The following ZFPM2 variants were observed in gnomAD, a reference collection of about 807,000 sequenced individuals.
The protein encoded by ZFPM2 is zinc finger protein ZFPM2.
In ZFPM2, 20 loss-of-function variants were observed where a neutral mutation model predicts 98.6. The observed-to-expected ratio is 0.20, with a 90% CI of 0.14 to 0.29. The LOEUF (loss-of-function observed/expected upper bound fraction) is 0.29. ZFPM2 is among the 10% of genes least tolerant of loss of function. ZFPM2 has a pLI of 1.00. For missense variants in ZFPM2, 1,310 were observed against 1,388.6 expected (o/e 0.94, Z 0.90); for synonymous variants, 518 against 502.7 (o/e 1.03, Z -0.41).
At chr8:105,501,950 AGAT>A (rs1435729737) in intron 3 of ZFPM2, among the ~76,000 whole-genome samples, 3 of 152,180 alleles carry the variant, frequency 2.0e-5, no homozygotes, top group Non-Finnish European at 4.4e-5. Context: ...TATATTCTTT[AGAT>A]GATTTCTGAT....
At chr8:105,339,975 T>A (rs1050606123) in intron 1 of ZFPM2, among the ~76,000 whole-genome samples, 3 of 151,910 alleles carry the variant, frequency 2.0e-5, no homozygotes, top group Non-Finnish European at 2.9e-5. Context: ...AGGTCTGTTG[T>A]TACAGGATTT....
At chr8:105,723,691 C>T (rs1051488991) in intron 5 of ZFPM2, among the ~76,000 whole-genome samples, 1 of 151,700 alleles carries the variant, frequency 6.6e-6, no homozygotes, top group Non-Finnish European at 1.5e-5. Flanking sequence ...CTTCAAGGCT[C>T]GGGGGTTAGC....
At chr8:105,596,905 T>G (rs1408005887) in intron 4 of ZFPM2, among the ~76,000 whole-genome samples, 1 of 151,826 alleles carries the variant, frequency 6.6e-6, no homozygotes, top group African/African-American at 2.4e-5. Context: ...ACAGACATAC[T>G]CCTTCCTTTC....
intron 2 of ZFPM2, among the ~76,000 whole-genome samples, chr8:105,443,333 A>C (rs1044084783): frequency 6.0e-5 from 9 of 151,022 alleles, no homozygotes; most frequent in Non-Finnish European, 8.8e-5. Context: ...AAACAAAAAA[A>C]AAAAAACTTG....
At chr8:105,704,707 T>G (rs1280661391) in intron 5 of ZFPM2, among the ~76,000 whole-genome samples, 1 of 152,184 alleles carries the variant, frequency 6.6e-6, no homozygotes, top group Admixed American at 6.5e-5. Context: ...TAATATTTAT[T>G]AGGCCATTTG....
chr8:105,795,622 AG>A (rs1381494724), intron 6 of ZFPM2: 1 of 190,938 alleles, frequency 5.2e-6, no homozygotes, highest in South Asian at 8.5e-5. Flanking sequence ...AAAAAAAAAA[AG>A]AAAGAAATGC....
intron 1 of ZFPM2, among the ~76,000 whole-genome samples, chr8:105,326,388 A>G (rs1371141226): frequency 6.6e-6 from 1 of 151,768 alleles, no homozygotes; most frequent in East Asian, 1.9e-4. Context: ...TGCTTTAAAT[A>G]TTCTACTTTT....
intron 5 of ZFPM2, among the ~76,000 whole-genome samples, chr8:105,752,002 T>A (rs1322612486): frequency 1.3e-5 from 2 of 152,140 alleles, no homozygotes; most frequent in African/African-American, 4.8e-5. Context: ...TCTCTACAGA[T>A]CATTACTTTG....
chr8:105,734,130 C>T (rs1812014567), intron 5 of ZFPM2, among the ~76,000 whole-genome samples: 1 of 151,856 alleles, frequency 6.6e-6, no homozygotes, highest in African/African-American at 2.4e-5. Flanking sequence ...GACATTTTGG[C>T]TTCCATAGAC....
At chr8:105,763,953 T>A (rs991225628) in intron 5 of ZFPM2, among the ~76,000 whole-genome samples, 4 of 151,856 alleles carry the variant, frequency 2.6e-5, no homozygotes, top group African/African-American at 9.7e-5. Context: ...GAAGCTTTTA[T>A]TAATGCAGAA....
intron 3 of ZFPM2, among the ~76,000 whole-genome samples, chr8:105,477,831 G>A (rs919777442): frequency 6.6e-6 from 1 of 152,130 alleles, no homozygotes; most frequent in Non-Finnish European, 1.5e-5. Flanking sequence ...GTTATATAAT[G>A]AGTTTGAATA....
chr8:105,780,233 G>A (rs1388380509), intron 5 of ZFPM2: 5 of 152,168 alleles, frequency 3.3e-5, no homozygotes, highest in African/African-American at 1.2e-4. Context: ...TTTCCATTTG[G>A]TGGAAGCGAG....
At chr8:105,518,961 C>G (rs954255357) in intron 3 of ZFPM2, among the ~76,000 whole-genome samples, 1 of 152,114 alleles carries the variant, frequency 6.6e-6, no homozygotes, top group Admixed American at 6.5e-5. Context: ...TTAAGGGGAA[C>G]TTTGCTTTAG....
At chr8:105,492,221 A>T (rs1416185146) in intron 3 of ZFPM2, among the ~76,000 whole-genome samples, 2 of 152,128 alleles carry the variant, frequency 1.3e-5, no homozygotes, top group Admixed American at 6.5e-5. Context: ...TCATCTTAAA[A>T]CACTAGTCTC....
At chr8:105,785,886 C>CA (rs1291837271) in intron 5 of ZFPM2, among the ~76,000 whole-genome samples, 4 of 151,716 alleles carry the variant, frequency 2.6e-5, no homozygotes, top group African/African-American at 9.7e-5. Context: ...ACTAAAAATA[C>CA]AAAAAATTAG....
At chr8:105,486,691 A>G (rs566137003) in intron 3 of ZFPM2, among the ~76,000 whole-genome samples, 1 of 152,324 alleles carries the variant, frequency 6.6e-6, no homozygotes, top group East Asian at 1.9e-4. Context: ...CAATCTAGAG[A>G]AATTTCAGAT....
intron 3 of ZFPM2, among the ~76,000 whole-genome samples, chr8:105,446,159 A>G (rs1812365568): frequency 6.6e-6 from 1 of 152,092 alleles, no homozygotes; most frequent in African/African-American, 2.4e-5. Context: ...TGACCTCGTG[A>G]TCCTCCCGCC....
chr8:105,361,007 T>A (rs895567077), intron 1 of ZFPM2, among the ~76,000 whole-genome samples: 1 of 146,206 alleles, frequency 6.8e-6, no homozygotes, highest in African/African-American at 2.5e-5. Context: ...GATGGCTGGG[T>A]CAAATGGTAT....
At chr8:105,795,165 C>T (rs184606849) in intron 6 of ZFPM2, among the ~76,000 whole-genome samples, 2 of 152,136 alleles carry the variant, frequency 1.3e-5, no homozygotes, top group Admixed American at 1.3e-4. Flanking sequence ...AATCACCCGT[C>T]TTCTGCGTCA....
Sources: gnomAD v4.1 joint callset for allele counts (sites outside exome capture counted in the v4.1 genomes callset) on GRCh38, gnomAD v4.1.1 for gene constraint, MANE v1.5 for transcripts, NCBI Gene and HGNC (gene_info 2026-07-23, HGNC 2026-07-21) for gene names.